Variants in EYA1 observed in about 807,000 individuals in gnomAD.
EYA1 encodes EYA transcriptional coactivator and phosphatase 1, also known as protein phosphatase EYA1.
Under a neutral mutation model 82.0 loss-of-function variants are expected in EYA1, and 16 were observed. The observed-to-expected ratio is 0.20, with a 90% confidence interval of 0.13 to 0.30. The LOEUF is 0.30. Among genes scored for constraint, EYA1 ranks in the 10% least tolerant of loss-of-function variants. EYA1 has a pLI of 1.00. For synonymous variants in EYA1, 261 were observed against 264.4 expected (o/e 0.99, Z 0.12); for missense variants, 633 against 730.7 (o/e 0.87, Z 1.54).
intron 2 of EYA1, among the ~76,000 whole-genome samples, chr8:71,429,781 G>C (rs1805493485): frequency 6.6e-6 from 1 of 152,104 alleles, no homozygotes. Flanking sequence ...TTTGAATAAA[G>C]AGGACAGGTA....
chr8:71,360,162 A>G (rs1203095114), intron 1 of EYA1, among the ~76,000 whole-genome samples: 7 of 152,212 alleles, frequency 4.6e-5, no homozygotes, highest in Admixed American at 4.6e-4. Context: ...GTAGTATAGT[A>G]CATTACTTTT....
intron 16 of EYA1, 34 bp from the exon 17 acceptor site, chr8:71,211,290 A>C: frequency 7.0e-7 from 1 of 1,426,900 alleles, no homozygotes; most frequent in Non-Finnish European, 9.9e-7. Flanking sequence ...GAAAATGTGA[A>C]GTTTGGGTAA....
At chr8:71,395,309 C>A (rs573998245) in intron 2 of EYA1, among the ~76,000 whole-genome samples, 76 of 147,330 alleles carry the variant, frequency 5.2e-4, no homozygotes, top group African/African-American at 1.6e-3. Context: ...ATTGCCCTGG[C>A]CAGAACTTCC....
At chr8:71,342,945 A>G (rs1251711667) in intron 3 of EYA1, among the ~76,000 whole-genome samples, 1 of 152,232 alleles carries the variant, frequency 6.6e-6, no homozygotes, top group African/African-American at 2.4e-5. Flanking sequence ...TCTAAATTAA[A>G]TATTTTGTTT....
chr8:71,485,085 G>A (rs775151359), intron 2 of EYA1, among the ~76,000 whole-genome samples: 6 of 152,198 alleles, frequency 3.9e-5, no homozygotes, highest in East Asian at 1.9e-4. Context: ...TAATGGATGC[G>A]TATTTCATTT....
intron 2 of EYA1, among the ~76,000 whole-genome samples, chr8:71,382,167 A>G (rs1828740932): frequency 6.6e-6 from 1 of 152,202 alleles, no homozygotes; most frequent in Admixed American, 6.5e-5. Flanking sequence ...TAATATTTAT[A>G]AAGGGATCTT....
chr8:71,330,851 T>TTGTG (rs35043341), intron 4 of EYA1, among the ~76,000 whole-genome samples: 2,531 of 147,110 alleles, frequency 0.017, 26 homozygotes, highest in Middle Eastern at 0.028. Flanking sequence ...CCTTGATTTC[T>TTGTG]TGTGTGTGTG....
At chr8:71,308,593 G>A (rs1321353087) in intron 7 of EYA1, among the ~76,000 whole-genome samples, 9 of 151,464 alleles carry the variant, frequency 5.9e-5, no homozygotes, top group Admixed American at 5.9e-4. Context: ...CTACCTCTTC[G>A]TAGTTAAGAA....
Position 71,321,882 on chromosome 8 carries a change from A to G in EYA1, c.273-3T>C, listed in dbSNP as rs2129031680. 1.2e-6 allele frequency: 2 copies of G among 1,614,236 alleles called. No homozygotes were observed. The highest frequency in any genetic ancestry group is 1.7e-6 in the Non-Finnish European group (2 of 1,180,034). On this transcript the variant is annotated splice_polypyrimidine_tract_variant and splice_region_variant and intron_variant, in intron 5 of 17. Coordinates refer to ENST00000340726, the MANE Select transcript of EYA1 (RefSeq NM_000503.6). ...GGAGAATATGTGGGTATGGTCTGCT[A>G]TTTGTCAGAAATGACAGAAAATAGA... is the stretch of plus-strand genomic sequence containing the variant.
At chr8:71,255,871 TA>T (rs34082091) in intron 11 of EYA1, among the ~76,000 whole-genome samples, 20,503 of 151,564 alleles carry the variant, frequency 0.14, 1,759 homozygotes, top group Non-Finnish European at 0.18. Context: ...TATGACTCAA[TA>T]AAAAAAACCC....
At chr8:71,278,500 A>T (rs1165986788) in intron 9 of EYA1, among the ~76,000 whole-genome samples, 1 of 152,242 alleles carries the variant, frequency 6.6e-6, no homozygotes, top group Non-Finnish European at 1.5e-5. Flanking sequence ...AGAACAGTGC[A>T]TCATTTTTAA....
At chr8:71,332,252 C>A (rs1232418176) in intron 4 of EYA1, among the ~76,000 whole-genome samples, 1 of 152,138 alleles carries the variant, frequency 6.6e-6, no homozygotes, top group Non-Finnish European at 1.5e-5. Context: ...TTGTTTACCC[C>A]ACTAGCTTTA....
chr8:71,228,155 A>C (rs962789539), intron 12 of EYA1, among the ~76,000 whole-genome samples: 1 of 151,956 alleles, frequency 6.6e-6, no homozygotes. Context: ...TTCCATCATC[A>C]CCTCCCTCAC....
At chr8:71,457,528 C>G (rs1044597645) in intron 2 of EYA1, among the ~76,000 whole-genome samples, 2 of 152,068 alleles carry the variant, frequency 1.3e-5, no homozygotes, top group Non-Finnish European at 2.9e-5. Context: ...CCATCAATGA[C>G]AGACTGGATT....
At chr8:71,360,212 G>A (rs759100076) in intron 1 of EYA1, among the ~76,000 whole-genome samples, 100 of 152,150 alleles carry the variant, frequency 6.6e-4, no homozygotes, top group African/African-American at 2.3e-3. Flanking sequence ...AATAGAGTCC[G>A]CATGAAAACA....
At chr8:71,321,705 C>T (rs770978886) in intron 6 of EYA1, 29 bp downstream of exon 6, 45 of 1,611,808 alleles carry the variant, frequency 2.8e-5, no homozygotes, top group East Asian at 6.7e-5. Context: ...CATGCGATAA[C>T]GCCACCACTA....
intron 2 of EYA1, among the ~76,000 whole-genome samples, chr8:71,484,619 G>A (rs1563661022): frequency 6.6e-6 from 1 of 152,194 alleles, no homozygotes; most frequent in Non-Finnish European, 1.5e-5. Context: ...CCTACCCCTG[G>A]CTGAGCCCTC....
At chr8:71,341,325 G>A (rs1276201249) in intron 3 of EYA1, among the ~76,000 whole-genome samples, 7 of 152,198 alleles carry the variant, frequency 4.6e-5, no homozygotes, top group Middle Eastern at 3.4e-3. Flanking sequence ...GTTATGTTAC[G>A]GGTTGGATTC....
intron 2 of EYA1, among the ~76,000 whole-genome samples, chr8:71,379,543 A>T (rs967583881): frequency 6.6e-6 from 1 of 152,166 alleles, no homozygotes; most frequent in Admixed American, 6.5e-5. Flanking sequence ...TTGTTTTGCT[A>T]CAGTGTGCCT....
Sources: allele counts gnomAD v4.1 joint callset (sites outside exome capture counted in the v4.1 genomes callset), GRCh38; gene constraint gnomAD v4.1.1; transcripts MANE v1.5; gene names NCBI Gene and HGNC (gene_info 2026-07-23, HGNC 2026-07-21).